Variants in EIPR1 observed in about 807,000 individuals in gnomAD.
EIPR1 encodes the protein EARP and GARP complex-interacting protein 1.
Under a neutral mutation model 48.1 loss-of-function variants are expected in EIPR1, and 25 were observed. The observed-to-expected ratio is 0.52, with a 90% CI of 0.38 to 0.73. The LOEUF (loss-of-function observed/expected upper bound fraction) is 0.73, where lower values mean the gene tolerates loss of function less well. Ranked by LOEUF, EIPR1 falls within the 30% of genes least tolerant of loss-of-function variation. The probability of loss-of-function intolerance (pLI) is 0.00; values close to 1 mark genes in which losing one functional copy is unlikely to be tolerated. For missense variants in EIPR1, 415 were observed against 506.2 expected, an observed-to-expected ratio of 0.82 and a Z score of 1.73; for synonymous variants, 204 against 201.9, an observed-to-expected ratio of 1.01 and a Z score of -0.09.
intron 3 of EIPR1, among the ~76,000 whole-genome samples, chr2:3,317,860 G>C (rs939176639): frequency 6.6e-6 from 1 of 152,186 alleles, no homozygotes; most frequent in Non-Finnish European, 1.5e-5. Context: ...ATAGCCTCAG[G>C]AGGACCAGCC....
At position 3,312,398 on chromosome 2, in the gene EIPR1, G is replaced by C. The variant is rs1363922563; in HGVS notation, c.259+25619C>G. On this transcript the variant is annotated intron_variant, in intron 3 of 8. Transcript: ENST00000382125. This position sits in a 1 kb window ranked among gnomAD's most constrained non-coding sequence, Gnocchi z 5.5. ...AGTCCCTGGAAGGTTCTGTGTGCCT[G>C]CTGTGGGGATGAGACTCACGTCTGA... Among the ~76,000 whole-genome samples, 2 of 152,196 alleles carry C rather than the reference G, an allele frequency of 1.3e-5. No individual in the cohort carries two copies. The highest frequency in any genetic ancestry group is 2.9e-5 in the Non-Finnish European group (2 of 68,044).
chr2:3,342,225 C>T (rs1670273316), intron 2 of EIPR1, among the ~76,000 whole-genome samples: 1 of 151,704 alleles, frequency 6.6e-6, no homozygotes, highest in Non-Finnish European at 1.5e-5. Flanking sequence ...AAAAATGTTA[C>T]AAGAGAATTA....
intron 3 of EIPR1, among the ~76,000 whole-genome samples, chr2:3,285,708 C>A (rs1372520326): frequency 7.4e-6 from 1 of 134,328 alleles, no homozygotes; most frequent in Non-Finnish European, 1.6e-5. Flanking sequence ...GTCTCCGGGA[C>A]CCTCGCACGG....
chr2:3,210,627 CTTTTT>C (rs56963007), intron 5 of EIPR1, among the ~76,000 whole-genome samples: 2 of 118,416 alleles, frequency 1.7e-5, no homozygotes, highest in Non-Finnish European at 3.5e-5. Context: ...CCTCCCAATT[CTTTTT>C]TTTTTTTTTT....
intron 3 of EIPR1, among the ~76,000 whole-genome samples, chr2:3,332,389 C>T (rs1476467079): frequency 1.3e-5 from 2 of 152,222 alleles, no homozygotes; most frequent in Admixed American, 1.3e-4. Context: ...AAATATGTCA[C>T]TCATGCTAAT....
At chr2:3,244,794 C>T (rs1666745339) in intron 4 of EIPR1, among the ~76,000 whole-genome samples, 1 of 152,190 alleles carries the variant, frequency 6.6e-6, no homozygotes, top group South Asian at 2.1e-4. Flanking sequence ...GCTAAAGCAG[C>T]CCAAATGGAC....
intron 3 of EIPR1, among the ~76,000 whole-genome samples, chr2:3,306,882 C>T (rs1018765732): frequency 6.6e-6 from 1 of 151,904 alleles, no homozygotes; most frequent in East Asian, 1.9e-4. Flanking sequence ...GTTATAGAGT[C>T]AAAAAAGAGA....
At chr2:3,372,785 G>A (rs1178679615) in intron 1 of EIPR1, among the ~76,000 whole-genome samples, 20 of 152,122 alleles carry the variant, frequency 1.3e-4, no homozygotes, top group East Asian at 3.9e-4. Context: ...ATTCACAGCC[G>A]AATTCTACCA....
chr2:3,350,021 G>A (rs1395175043), intron 2 of EIPR1, among the ~76,000 whole-genome samples: 1 of 150,072 alleles, frequency 6.7e-6, no homozygotes, highest in Non-Finnish European at 1.5e-5. Context: ...GGGAGTCTGA[G>A]GCAGGAGAAT....
intron 3 of EIPR1, among the ~76,000 whole-genome samples, chr2:3,260,320 G>T (rs768587485): frequency 1.3e-5 from 2 of 152,102 alleles, no homozygotes; most frequent in South Asian, 2.1e-4. Context: ...GTGAAACCCC[G>T]TCTCTACTAA....
chr2:3,220,334 G>A (rs931668808), intron 4 of EIPR1, among the ~76,000 whole-genome samples: 4 of 151,750 alleles, frequency 2.6e-5, no homozygotes, highest in East Asian at 1.9e-4. Context: ...GGGGACACAC[G>A]CACACAATGG....
intron 3 of EIPR1, among the ~76,000 whole-genome samples, chr2:3,317,544 A>G (rs148298981): frequency 1.6e-3 from 238 of 152,358 alleles, no homozygotes; most frequent in Middle Eastern, 3.4e-3. Context: ...GTGACCTCGC[A>G]GCAGCTGTGA....
At position 3,193,844 on chromosome 2, in the gene EIPR1, G is replaced by A. The variant is rs182909148; in HGVS notation, c.821+155C>T. Among the ~76,000 whole-genome samples the A allele has an allele frequency of 1.3e-4, 20 of 152,290 alleles. No homozygotes were observed. In the East Asian group the frequency reaches 3.7e-3, roughly 28 times the overall value. ...TATAAATCACAAACATTCAGATTTG[G>A]AATTAGTGTTTCTTTAGGAAAAATA... On this transcript the variant is annotated intron_variant, in intron 7 of 8. Transcript: ENST00000382125.
At chr2:3,333,762 A>AG (rs1558305041) in intron 3 of EIPR1, among the ~76,000 whole-genome samples, 3 of 151,654 alleles carry the variant, frequency 2.0e-5, no homozygotes, top group African/African-American at 4.8e-5. Context: ...AAAAAAAAAA[A>AG]AAAAAAATCA....
intron 3 of EIPR1, among the ~76,000 whole-genome samples, chr2:3,336,902 AAGGGAAGGGAAG>A (rs1670073150): frequency 2.0e-5 from 1 of 48,834 alleles, no homozygotes; most frequent in Non-Finnish European, 4.3e-5. Context: ...GGGAAGGGAA[AAGGGAAGGGAAG>A]GGAAAAGGGA....
At chr2:3,343,696 C>T (rs934344201) in intron 2 of EIPR1, among the ~76,000 whole-genome samples, 1 of 152,178 alleles carries the variant, frequency 6.6e-6, no homozygotes, top group Non-Finnish European at 1.5e-5. Context: ...AACTTAATCA[C>T]CTCTCCCTCC....
chr2:3,226,484 A>G (rs1325305615), intron 4 of EIPR1, among the ~76,000 whole-genome samples: 1 of 152,170 alleles, frequency 6.6e-6, no homozygotes, highest in Admixed American at 6.5e-5. Flanking sequence ...TTTGCTTGCT[A>G]TCGAGTTGTA....
At chr2:3,314,465 G>A (rs550465985) in intron 3 of EIPR1, among the ~76,000 whole-genome samples, 2 of 152,230 alleles carry the variant, frequency 1.3e-5, no homozygotes, top group Non-Finnish European at 2.9e-5. Flanking sequence ...TGGTCTTCCT[G>A]AAATTTCACC....
At position 3,326,919 on chromosome 2, in the gene EIPR1, C is replaced by A. The variant is rs985276307; in HGVS notation, c.259+11098G>T. On this transcript the variant is annotated intron_variant, in intron 3 of 8. Transcript: ENST00000382125. ...GTAGCAAAATGGCTGATCCCTCAAA[C>A]GGAGTCATGTTTCAGAGGAAGATGG... is the stretch of plus-strand genomic sequence containing the variant. Among the ~76,000 whole-genome samples the A allele has an allele frequency of 2.0e-5, 3 of 152,230 alleles. No individual in the cohort carries two copies. In the East Asian group the frequency reaches 5.8e-4, roughly 29 times the overall value.
Sources: allele counts gnomAD v4.1 joint callset (sites outside exome capture counted in the v4.1 genomes callset), GRCh38; gene constraint gnomAD v4.1.1; non-coding constraint Gnocchi (gnomAD v3.1); transcripts MANE v1.5; gene names NCBI Gene and HGNC (gene_info 2026-07-23, HGNC 2026-07-21).